ATF7IP: variants seen among roughly 807,000 people sequenced by gnomAD.
ATF7IP encodes the protein activating transcription factor 7-interacting protein 1.
In ATF7IP, 23 loss-of-function variants were observed where a neutral mutation model predicts 106.4. The observed-to-expected ratio is 0.22, with a 90% CI of 0.16 to 0.31. The LOEUF (loss-of-function observed/expected upper bound fraction) is 0.31. ATF7IP is among the 10% of genes least tolerant of loss of function. The probability of loss-of-function intolerance (pLI) is 1.00; values close to 1 mark genes in which losing one functional copy is unlikely to be tolerated. For synonymous variants in ATF7IP, 542 were observed against 539.0 expected, an observed-to-expected ratio of 1.01 and a Z score of -0.08; for missense variants, 1,334 against 1,524.3, an observed-to-expected ratio of 0.88 and a Z score of 2.08.
Position 14,425,015 on chromosome 12 carries a change from A to G in ATF7IP, c.1100A>G (p.Asn367Ser). The G allele has an allele frequency of 6.2e-7, 1 of 1,611,926 alleles. No homozygotes were observed. Among genetic ancestry groups the G allele is most frequent in the African/African-American group, 1.3e-5 (1 of 74,870 alleles). ...TTICSDRPPE[N>S]EKKVEEDIIT... ...ATTTGTTCAGATCGACCTCCTGAAA[A>G]TGAAAAGAAGGTAGAGGAAGATATT... Residue 367 changes from asparagine to serine, a missense_variant, in exon 2 of 15, where the codon AAT becomes AGT. This residue lies in a region of ATF7IP where 438 missense variants were observed against 405.3 expected (regional missense o/e 1.08). Transcript: ENST00000261168.
intron 7 of ATF7IP, among the ~76,000 whole-genome samples, 157 bp downstream of exon 7, chr12:14,456,791 G>A (rs925824504): frequency 3.3e-5 from 5 of 152,044 alleles, no homozygotes; most frequent in African/African-American, 1.2e-4. Context: ...TCATTATATT[G>A]TTCATCTGTG....
intron 1 of ATF7IP, among the ~76,000 whole-genome samples, chr12:14,406,374 C>T (rs1466894966): frequency 1.3e-5 from 2 of 152,174 alleles, no homozygotes; most frequent in Non-Finnish European, 2.9e-5. Flanking sequence ...GCTGGGATTA[C>T]TGGCGAGAGC....
intron 14 of ATF7IP, 69 bp downstream of exon 14, chr12:14,496,412 TTTTTC>T: frequency 9.5e-7 from 1 of 1,057,384 alleles, no homozygotes; most frequent in Non-Finnish European, 1.4e-6. Context: ...GTATTTGGCA[TTTTTC>T]TTTAAAATGG....
chr12:14,424,219 A>G lies in ATF7IP; in HGVS notation c.304A>G (p.Lys102Glu). The G allele has an allele frequency of 6.2e-7, 1 of 1,614,208 alleles. No individual in the cohort carries two copies. The highest frequency in any genetic ancestry group is 8.5e-7 in the Non-Finnish European group (1 of 1,180,030). Residue 102 changes from lysine to glutamate, a missense_variant, in exon 2 of 15, where the codon AAG becomes GAG. Physicochemically the swap from Lys to Glu is moderately conservative, Grantham distance 56 (BLOSUM62 1). Around this residue, in one of 10 missense-constraint regions of ATF7IP, gnomAD observed 438 missense variants for 405.3 expected, o/e 1.08. Transcript: ENST00000261168. Reference protein sequence around the residue: ...PCILSVNVKNKQDDDLNCEPL... With the variant: ...PCILSVNVKNEQDDDLNCEPL... ...TATCCTAAGTGTTAATGTAAAAAAC[A>G]AGCAGGATGATGATTTAAATTGTGA...
intron 1 of ATF7IP, among the ~76,000 whole-genome samples, chr12:14,380,744 C>G (rs1002158436): frequency 6.6e-6 from 1 of 152,188 alleles, no homozygotes; most frequent in Non-Finnish European, 1.5e-5. Context: ...CTCAGCCTCC[C>G]GAGTACCTGG....
Position 14,481,135 on chromosome 12 carries a change from G to A in ATF7IP, c.3230G>A (p.Arg1077Gln), listed in dbSNP as rs1486488346. The A allele has an allele frequency of 1.5e-5, 25 of 1,613,872 alleles. No homozygotes were observed. Among genetic ancestry groups the A allele is most frequent in the Non-Finnish European group, 2.1e-5 (25 of 1,179,970 alleles). ...GCACCACCAGCTCAGGCTCCCTTGC[G>A]AGGAACTGTTATGCAGGCTCCTGCT... ...LPAPPAQAPL[R>Q]GTVMQAPAVR... Residue 1077 changes from arginine (R) to glutamine (Q), a missense_variant, in exon 13 of 15, where the codon CGA (arginine) becomes CAA (glutamine). Transcript: ENST00000261168.
rs994394381 is a variant in ATF7IP at position 14,404,630 on chromosome 12, G to A, written c.-7-19279G>A. The stretch of plus-strand genomic sequence containing the variant: ...ATGTATATTTGGTTTTTTTGCATTG[G>A]TCTCTCTTACTGTTACATATTTCAC... On this transcript the variant is annotated intron_variant, in intron 1 of 14. Coordinates refer to ENST00000261168, the MANE Select transcript of ATF7IP (RefSeq NM_018179.5). 4.0e-5 allele frequency among the ~76,000 whole-genome samples: 6 copies of A among 151,880 alleles called. No homozygotes were observed. The East Asian group carries it at 1.2e-3, about 29-fold the overall frequency.
intron 13 of ATF7IP, among the ~76,000 whole-genome samples, chr12:14,495,258 T>G (rs901270885): frequency 1.1e-4 from 17 of 152,342 alleles, no homozygotes; most frequent in African/African-American, 4.1e-4. Flanking sequence ...GGTTAATACT[T>G]TGTGTCCTTC....
At position 14,438,179 on chromosome 12, in the gene ATF7IP, T is replaced by C. The variant is rs1420874948; in HGVS notation, c.1841T>C (p.Val614Ala). The C allele has an allele frequency of 1.9e-6, 3 of 1,613,276 alleles. No individual in the cohort carries two copies. The highest frequency in any genetic ancestry group is 2.7e-5 in the African/African-American group (2 of 74,916). Residue 614 changes from valine (V) to alanine (A), a missense_variant, in exon 5 of 15, where the codon GTA (valine) becomes GCA (alanine). By Grantham distance (64) the Val-to-Ala change is moderately conservative (BLOSUM62 0). Around this residue, in one of 10 missense-constraint regions of ATF7IP, gnomAD observed 22 missense variants for 47.4 expected, o/e 0.46. Transcript: ENST00000261168. ...AAATTGTGTGCGCTGCAGTGTGCTGTATTTGATAAGACTTTGGCAGAATTG... is the reference window on the plus strand; with the variant it reads ...AAATTGTGTGCGCTGCAGTGTGCTGCATTTGATAAGACTTTGGCAGAATTG... ...EEKLCALQCA[V>A]FDKTLAELKT...
intron 1 of ATF7IP, among the ~76,000 whole-genome samples, chr12:14,417,736 G>A (rs1480672377): frequency 6.6e-6 from 1 of 152,138 alleles, no homozygotes; most frequent in Non-Finnish European, 1.5e-5. Flanking sequence ...TATTTAATGC[G>A]TGTTACGTGG....
intron 1 of ATF7IP, among the ~76,000 whole-genome samples, chr12:14,382,279 T>G (rs907264183): frequency 6.6e-6 from 1 of 152,250 alleles, no homozygotes; most frequent in Non-Finnish European, 1.5e-5. Context: ...AATTGTTTAC[T>G]GAACATTAGA....
At chr12:14,475,853 A>C in intron 10 of ATF7IP, 37 bp from the exon 11 acceptor site, 1 of 1,552,764 alleles carries the variant, frequency 6.4e-7, no homozygotes, top group Non-Finnish European at 8.8e-7. Context: ...TATCTGCCAG[A>C]GTTTTCTTTG....
chr12:14,382,803 G>A (rs548949887), intron 1 of ATF7IP, among the ~76,000 whole-genome samples: 1 of 152,310 alleles, frequency 6.6e-6, no homozygotes, highest in African/African-American at 2.4e-5. Flanking sequence ...AAAGATACAA[G>A]TAATGAAATG....
intron 2 of ATF7IP, among the ~76,000 whole-genome samples, chr12:14,429,941 T>C (rs181687598): frequency 3.0e-4 from 46 of 152,332 alleles, no homozygotes; most frequent in South Asian, 2.7e-3. Flanking sequence ...AAGTTAGATG[T>C]GTAAGTCTGG....
rs548883815 is a variant in ATF7IP, at chr12:14,424,287, A to C, written c.372A>C (p.Lys124Asn). ...ATATAACTCCAGAACCAGTCTCTAA[A>C]CTGCCTGCTGAACCAGTTTCTGGTG... ...PHNITPEPVSKLPAEPVSGDP... is the reference protein window; with the variant it reads ...PHNITPEPVSNLPAEPVSGDP... The change falls in exon 2 of 15, where the codon AAA becomes AAC. Residue 124 changes from lysine to asparagine, a missense_variant. This residue lies in a region of ATF7IP where 438 missense variants were observed against 405.3 expected (regional missense o/e 1.08). Transcript: ENST00000261168. 3.5e-5 allele frequency: 56 copies of C among 1,614,200 alleles called. No homozygotes were observed. The South Asian group carries it at 5.3e-4, about 15-fold the overall frequency.
chr12:14,427,360 T>G (rs925584299), intron 2 of ATF7IP, among the ~76,000 whole-genome samples: 13 of 150,978 alleles, frequency 8.6e-5, no homozygotes, highest in African/African-American at 2.9e-4. Context: ...TTAATGAGTC[T>G]AATTCTTTTT....
intron 1 of ATF7IP, among the ~76,000 whole-genome samples, chr12:14,422,672 G>C (rs935032616): frequency 1.3e-5 from 2 of 152,116 alleles, no homozygotes; most frequent in Non-Finnish European, 2.9e-5. Context: ...TTTGTGACTG[G>C]CTTCTCTCAC....
intron 10 of ATF7IP, among the ~76,000 whole-genome samples, chr12:14,470,592 G>T (rs1944003249): frequency 6.6e-6 from 1 of 152,116 alleles, no homozygotes; most frequent in African/African-American, 2.4e-5. Flanking sequence ...TTAATAGTGG[G>T]TGCTTTGGCA....
Position 14,424,190 on chromosome 12 carries a change from C to T in ATF7IP, c.275C>T (p.Pro92Leu). 6.2e-7 allele frequency: 1 copy of T among 1,614,092 alleles called. No individual in the cohort carries two copies. Among genetic ancestry groups the T allele is most frequent in the Non-Finnish European group, 8.5e-7 (1 of 1,179,980 alleles). Reference protein sequence around the residue: ...EGSKAEWKETPCILSVNVKNK... With the variant: ...EGSKAEWKETLCILSVNVKNK... Reference sequence around the variant, plus strand: ...AGTAAAGCAGAATGGAAGGAAACACCCTGTATCCTAAGTGTTAATGTAAAA... The same window carrying T: ...AGTAAAGCAGAATGGAAGGAAACACTCTGTATCCTAAGTGTTAATGTAAAA... The change falls in exon 2 of 15, where the codon CCC becomes CTC. Residue 92 changes from proline to leucine, a missense_variant. Physicochemically the swap from Pro to Leu is moderately conservative, Grantham distance 98 (BLOSUM62 -3). Around this residue, in one of 10 missense-constraint regions of ATF7IP, gnomAD observed 438 missense variants for 405.3 expected, o/e 1.08. Transcript: ENST00000261168.
Sources: gnomAD v4.1 joint callset for allele counts (sites outside exome capture counted in the v4.1 genomes callset) on GRCh38, gnomAD v4.1.1 for gene constraint, gnomAD v4.1.1 regional missense constraint, MANE v1.5 for transcripts, NCBI Gene and HGNC (gene_info 2026-07-23, HGNC 2026-07-21) for gene names.